The following ESRP1 variants were observed in gnomAD, a reference collection of about 807,000 sequenced individuals.
ESRP1 encodes RNA-binding motif protein 35A.
In ESRP1, 33 loss-of-function variants were observed where a neutral mutation model predicts 81.7. The ratio of observed to expected loss-of-function variants is 0.40; its 90% CI spans 0.31 to 0.54. The LOEUF (loss-of-function observed/expected upper bound fraction) is 0.54, where lower values mean the gene tolerates loss of function less well. ESRP1 is among the 20% of genes least tolerant of loss of function. The pLI is 0.41. For synonymous variants in ESRP1, 320 were observed against 303.3 expected (o/e 1.06, Z -0.57); for missense variants, 672 against 833.1 (o/e 0.81, Z 2.38).
At position 94,642,053 on chromosome 8, in the gene ESRP1, C is replaced by G; in HGVS notation, c.230C>G (p.Ser77Trp). 1 of 1,613,286 alleles carries G rather than the reference C, an allele frequency of 6.2e-7. No homozygotes were observed. Among genetic ancestry groups the G allele is most frequent in the Non-Finnish European group, 8.5e-7 (1 of 1,179,852 alleles). ...AAAATAGACGTCGAAAGCCTGTCCT[C>G]GGCGTCGCAGCTGGACCAAGCCCTC... ...ETKIDVESLS[S>W]ASQLDQALRQ... Residue 77 changes from serine (S) to tryptophan (W), a missense_variant, in exon 2 of 16, where the codon TCG becomes TGG. Ser to Trp is a radical substitution (Grantham distance 177). Transcript: ENST00000433389.
At chr8:94,676,937 G>A (rs543379598) in intron 12 of ESRP1, among the ~76,000 whole-genome samples, 7 of 151,986 alleles carry the variant, frequency 4.6e-5, no homozygotes, top group East Asian at 2.0e-4. Context: ...CAGATCACCC[G>A]AAGTCAGGAG....
In ESRP1 at chr8:94,706,831, T is replaced by TTA. The variant is rs1275852991; in HGVS notation, c.*950_*951dup. The stretch of plus-strand genomic sequence containing the variant: ...ACACTAACTGAACAGAAGTGAATGC[T>TTA]TATATATATTATGATAGCCTTAAAC... On this transcript the variant is annotated 3_prime_UTR_variant, in exon 16 of 16. Coordinates refer to ENST00000433389, the MANE Select transcript of ESRP1 (RefSeq NM_017697.4). 2 of 152,204 alleles carry TTA rather than the reference T, an allele frequency of 1.3e-5. No homozygotes were observed. Among genetic ancestry groups the TTA allele is most frequent in the Non-Finnish European group, 2.9e-5 (2 of 68,038 alleles). The allele number at this position is 152,204 out of a possible 1,614,324, so 9.4% of individuals were successfully genotyped here.
intron 6 of ESRP1, among the ~76,000 whole-genome samples, chr8:94,663,212 G>T (rs1476846564): frequency 6.6e-6 from 1 of 152,132 alleles, no homozygotes; most frequent in African/African-American, 2.4e-5. Context: ...TTTTTACTGA[G>T]ATAAAATTTT....
rs117827835 is a variant in ESRP1 at position 94,701,421 on chromosome 8, G to A, written c.*35+4460G>A. Among the ~76,000 whole-genome samples, 483 of 152,090 alleles carry A rather than the reference G, an allele frequency of 3.2e-3. 1 individual carries two copies. Among genetic ancestry groups the A allele is most frequent in the African/African-American group, 0.01 (427 of 41,492 alleles). On this transcript the variant is annotated intron_variant, in intron 15 of 15. Transcript: ENST00000433389. The stretch of plus-strand genomic sequence containing the variant: ...TGTCCCATCAACCCAGCCAACACAC[G>A]TTGACTATCCCACTGAATCAGTGGA...
At chr8:94,660,757 A>T (rs1818702072) in intron 4 of ESRP1, among the ~76,000 whole-genome samples, 2 of 144,792 alleles carry the variant, frequency 1.4e-5, no homozygotes, top group Admixed American at 1.4e-4. Flanking sequence ...AAACAAACAA[A>T]CAAACAAAAA....
Position 94,678,207 on chromosome 8 carries a change from G to A in ESRP1, c.1656G>A (p.Leu552=). The change falls in exon 13 of 16, where the codon CTG becomes CTA. Residue 552 remains leucine (L), a synonymous_variant. Coordinates refer to ENST00000433389, the MANE Select transcript of ESRP1 (RefSeq NM_017697.4). ...AATCTCTCTTTGCATATCTAGGCCT[G>A]TCTCCTCCCTCCTACACATTTCCAG... ...LSPPPCKLPC[L]SPPSYTFPAP... The A allele has an allele frequency of 1.2e-6, 2 of 1,613,862 alleles. No homozygotes were observed. Among genetic ancestry groups the A allele is most frequent in the Non-Finnish European group, 1.7e-6 (2 of 1,179,832 alleles).
intron 13 of ESRP1, among the ~76,000 whole-genome samples, chr8:94,687,489 T>C (rs1022212679): frequency 6.6e-6 from 1 of 152,224 alleles, no homozygotes; most frequent in African/African-American, 2.4e-5. Context: ...CTATTTAGCT[T>C]TCAAGAAACT....
At position 94,678,172 on chromosome 8, in the gene ESRP1, T is replaced by A. The variant is rs768294570; in HGVS notation, c.1652-31T>A. The A allele has an allele frequency of 9.9e-6, 16 of 1,609,562 alleles. No homozygotes were observed. The Admixed American group carries it at 1.0e-4, about 10-fold the overall frequency. ...ACGTGCATGTCAGCTGTTACAAATA[T>A]GTCTCAAAGAATCTCTCTTTGCATA... On this transcript the variant is annotated intron_variant, in intron 12 of 15. Coordinates refer to ENST00000433389, the MANE Select transcript of ESRP1 (RefSeq NM_017697.4).
chr8:94,667,933 T>C lies in ESRP1; in HGVS notation c.932-16T>C. 6.5e-7 allele frequency: 1 copy of C among 1,541,734 alleles called. No homozygotes were observed. Among genetic ancestry groups the C allele is most frequent in the Non-Finnish European group, 8.7e-7 (1 of 1,144,498 alleles). On this transcript the variant is annotated splice_polypyrimidine_tract_variant and intron_variant, in intron 9 of 15. Coordinates refer to ENST00000433389, the MANE Select transcript of ESRP1 (RefSeq NM_017697.4). ...AACTATTTCTCTCCCTGCTTCCTAATATTTGTTTTCCCTAGGTACTTCCAA... is the reference window on the plus strand; with the variant it reads ...AACTATTTCTCTCCCTGCTTCCTAACATTTGTTTTCCCTAGGTACTTCCAA...
intron 15 of ESRP1, 150 bp from the exon 16 acceptor site, chr8:94,705,775 A>C (rs1017956463): frequency 1.3e-5 from 9 of 679,804 alleles, no homozygotes; most frequent in Middle Eastern, 4.2e-4. Context: ...AATGCCAACT[A>C]TGTCTGTGTG....
At chr8:94,662,903 G>A (rs988552580) in intron 6 of ESRP1, among the ~76,000 whole-genome samples, 4 of 152,122 alleles carry the variant, frequency 2.6e-5, no homozygotes, top group Non-Finnish European at 5.9e-5. Flanking sequence ...CACCTCGCCC[G>A]GCCTTTAACT....
At chr8:94,652,010 T>TTG (rs1216503816) in intron 4 of ESRP1, among the ~76,000 whole-genome samples, 2 of 141,432 alleles carry the variant, frequency 1.4e-5, no homozygotes, top group South Asian at 2.2e-4. Flanking sequence ...TTTTTTTTTT[T>TTG]GACAGAGTTT....
intron 2 of ESRP1, among the ~76,000 whole-genome samples, chr8:94,642,490 G>A (rs1817661729): frequency 6.6e-6 from 1 of 152,234 alleles, no homozygotes. Flanking sequence ...GCGTAGACGT[G>A]CAGGTGGGCC....
At chr8:94,677,217 G>C (rs752717007) in intron 12 of ESRP1, among the ~76,000 whole-genome samples, 13 of 152,168 alleles carry the variant, frequency 8.5e-5, no homozygotes, top group Non-Finnish European at 1.6e-4. Flanking sequence ...AAGAACAAAA[G>C]ACAATTTGAA....
Position 94,678,347 on chromosome 8 carries a change from T to C in ESRP1, c.1796T>C (p.Met599Thr). 6.2e-7 allele frequency: 1 copy of C among 1,613,900 alleles called. No homozygotes were observed. Among genetic ancestry groups the C allele is most frequent in the Non-Finnish European group, 8.5e-7 (1 of 1,179,852 alleles). ...AYYPAGTQLFMNYTAYYPSPP... is the reference protein window; with the variant it reads ...AYYPAGTQLFTNYTAYYPSPP... ...TACCCAGCAGGCACTCAGCTCTTCA[T>C]GAATTACACAGCGTACTATCCCAGG... Residue 599 changes from methionine to threonine, a missense_variant, in exon 13 of 16, where the codon ATG becomes ACG. By Grantham distance (81) the Met-to-Thr change is moderately conservative. Coordinates refer to ENST00000433389, the MANE Select transcript of ESRP1 (RefSeq NM_017697.4).
At chr8:94,688,860 G>A (rs1283482701) in intron 13 of ESRP1, among the ~76,000 whole-genome samples, 1 of 151,992 alleles carries the variant, frequency 6.6e-6, no homozygotes, top group Non-Finnish European at 1.5e-5. Flanking sequence ...TACATTTTAG[G>A]TTCAGTTTTG....
chr8:94,706,981 T>A lies in ESRP1; in HGVS notation c.*1092T>A, dbSNP rs1367699935. 3 of 152,248 alleles carry A rather than the reference T, an allele frequency of 2.0e-5. No homozygotes were observed. The highest frequency in any genetic ancestry group is 6.5e-5 in the Admixed American group (1 of 15,286). 9.4% of individuals were successfully genotyped at this position (152,248 alleles called of 1,614,324 possible). A position where few individuals can be genotyped will look rare whatever the true frequency, so the allele number is the denominator to read the frequency against. On this transcript the variant is annotated 3_prime_UTR_variant, in exon 16 of 16. Coordinates refer to ENST00000433389, the MANE Select transcript of ESRP1 (RefSeq NM_017697.4). ...AGAACAGGTACTGATGCTGTCAGTGTTTAACACTATGTTTAGCTGTGTTTA... is the reference window on the plus strand; with the variant it reads ...AGAACAGGTACTGATGCTGTCAGTGATTAACACTATGTTTAGCTGTGTTTA...
At chr8:94,669,023 T>A (rs1819170700) in intron 10 of ESRP1, among the ~76,000 whole-genome samples, 1 of 152,140 alleles carries the variant, frequency 6.6e-6, no homozygotes, top group African/African-American at 2.4e-5. Context: ...TGACCTCAGA[T>A]GATCTCCCAC....
Position 94,678,148 on chromosome 8 carries a change from C to T in ESRP1, c.1652-55C>T, listed in dbSNP as rs1410947481. 8.3e-6 allele frequency: 13 copies of T among 1,563,202 alleles called. No individual in the cohort carries two copies. The Admixed American group carries it at 1.4e-4, about 16-fold the overall frequency. ...AGTGACTATGTTTTTAGTGCTAGCA[C>T]GTGCATGTCAGCTGTTACAAATATG... On this transcript the variant is annotated intron_variant, in intron 12 of 15. Coordinates refer to ENST00000433389, the MANE Select transcript of ESRP1 (RefSeq NM_017697.4).
Sources: gnomAD v4.1 joint callset for allele counts (sites outside exome capture counted in the v4.1 genomes callset) on GRCh38, gnomAD v4.1.1 for gene constraint, MANE v1.5 for transcripts, NCBI Gene and HGNC (gene_info 2026-07-23, HGNC 2026-07-21) for gene names.